IGF2R: variants seen among roughly 807,000 people sequenced by gnomAD.
IGF2R encodes insulin like growth factor 2 receptor, also known as cation-independent mannose-6-phosphate receptor.
In IGF2R, 91 loss-of-function variants were observed where a neutral mutation model predicts 270.6. The observed-to-expected ratio is 0.34, with a 90% CI of 0.28 to 0.40. The LOEUF (loss-of-function observed/expected upper bound fraction) is 0.40. Among genes scored for constraint, IGF2R ranks in the 10% least tolerant of loss-of-function variants. The probability of loss-of-function intolerance (pLI) is 1.00; values close to 1 mark genes in which losing one functional copy is unlikely to be tolerated. For synonymous variants in IGF2R, 1,316 were observed against 1,258.9 expected, an observed-to-expected ratio of 1.05 and a Z score of -0.96; for missense variants, 2,805 against 3,188.3, an observed-to-expected ratio of 0.88 and a Z score of 2.90.
chr6:160,041,963 A>G (rs2115243413), intron 11 of IGF2R, among the ~76,000 whole-genome samples: 2 of 150,774 alleles, frequency 1.3e-5, no homozygotes, highest in Middle Eastern at 7.1e-3. Context: ...TCTTACGGTG[A>G]ACTGGGTGGT....
chr6:159,982,448 C>T (rs773087382), intron 1 of IGF2R, among the ~76,000 whole-genome samples: 3 of 152,208 alleles, frequency 2.0e-5, no homozygotes, highest in Non-Finnish European at 4.4e-5. Context: ...TTCTCTTTGT[C>T]TCCAACATGT....
rs191196799 is a variant in IGF2R at position 160,009,227 on chromosome 6, G to A, written c.414+93G>A. The A allele has an allele frequency of 1.1e-3, 1,211 of 1,109,276 alleles. 9 individuals carry two copies. In the Middle Eastern group the frequency reaches 0.021, roughly 19 times the overall value. The allele number at this position is 1,109,276 out of a possible 1,614,324, so 68.7% of individuals were successfully genotyped here. On this transcript the variant is annotated intron_variant, in intron 3 of 47. Coordinates refer to ENST00000356956, the MANE Select transcript of IGF2R (RefSeq NM_000876.4). Reference sequence around the variant, plus strand: ...TGTAGAGGTATTCCAGGAAGAATCAGTGAGCAAACTTAGAAACACAAATAA... The same window carrying A: ...TGTAGAGGTATTCCAGGAAGAATCAATGAGCAAACTTAGAAACACAAATAA...
At chr6:159,983,430 T>C (rs1177215006) in intron 1 of IGF2R, among the ~76,000 whole-genome samples, 1 of 152,234 alleles carries the variant, frequency 6.6e-6, no homozygotes, top group African/African-American at 2.4e-5. Context: ...GTGGACTGAC[T>C]GCAGTTCTCC....
chr6:160,020,375 C>G (rs750204508), intron 4 of IGF2R, among the ~76,000 whole-genome samples: 23 of 151,982 alleles, frequency 1.5e-4, no homozygotes, highest in Non-Finnish European at 2.6e-4. Context: ...TTATATTGCC[C>G]GAAACAATCC....
chr6:160,086,271 C>T (rs1779095871), intron 41 of IGF2R, among the ~76,000 whole-genome samples: 1 of 152,172 alleles, frequency 6.6e-6, no homozygotes, highest in African/African-American at 2.4e-5. Flanking sequence ...CTGGGACTGG[C>T]ATTTGGCATC....
chr6:160,050,410 C>T lies in IGF2R; in HGVS notation c.2515-63C>T. On this transcript the variant is annotated intron_variant, in intron 18 of 47. Coordinates refer to ENST00000356956, the MANE Select transcript of IGF2R (RefSeq NM_000876.4). The surrounding 1 kb of genome is among the most constrained non-coding windows in gnomAD (Gnocchi z 4.0). ...CTGCAGCTTTATAGAATGTAACCAC[C>T]ACCAATAACGAATCGACTGTATCTT... The T allele has an allele frequency of 6.8e-7, 1 of 1,475,100 alleles. No homozygotes were observed. Among genetic ancestry groups the T allele is most frequent in the Non-Finnish European group, 9.3e-7 (1 of 1,076,472 alleles). The allele number at this position is 1,475,100 out of a possible 1,614,324, so 91.4% of individuals were successfully genotyped here.
At chr6:159,972,095 G>C (rs1783617530) in intron 1 of IGF2R, among the ~76,000 whole-genome samples, 1 of 152,182 alleles carries the variant, frequency 6.6e-6, no homozygotes, top group Non-Finnish European at 1.5e-5. Flanking sequence ...TGTAGTTGAG[G>C]AATAGGAATG....
rs1368604359 is a variant in IGF2R at position 160,085,147 on chromosome 6, C to T, written c.6205+16C>T. 1.2e-6 allele frequency: 2 copies of T among 1,611,066 alleles called. No homozygotes were observed. The highest frequency in any genetic ancestry group is 1.7e-6 in the Non-Finnish European group (2 of 1,178,690). ...GGTGTCATAGGTAAGGCCTGTGGGTCCTGGTCCTTGGTTCAAGGAGCAGCA... is the reference window on the plus strand; with the variant it reads ...GGTGTCATAGGTAAGGCCTGTGGGTTCTGGTCCTTGGTTCAAGGAGCAGCA... On this transcript the variant is annotated intron_variant, in intron 41 of 47. Coordinates refer to ENST00000356956, the MANE Select transcript of IGF2R (RefSeq NM_000876.4).
chr6:160,063,387 G>T, intron 26 of IGF2R, 28 bp from the exon 27 acceptor site: 1 of 1,546,154 alleles, frequency 6.5e-7, no homozygotes, highest in Non-Finnish European at 8.9e-7. Context: ...GGTTGCAGTT[G>T]CCCTTCACTT....
intron 19 of IGF2R, 103 bp from the exon 20 acceptor site, chr6:160,056,321 T>G (rs1583282975): frequency 1.3e-6 from 1 of 765,984 alleles, no homozygotes; most frequent in East Asian, 2.5e-5. Flanking sequence ...ATAATAAACA[T>G]CTAGCAGATT....
At chr6:160,052,118 CTT>C (rs1168212479) in intron 19 of IGF2R, among the ~76,000 whole-genome samples, 1 of 152,080 alleles carries the variant, frequency 6.6e-6, no homozygotes, top group Non-Finnish European at 1.5e-5. Flanking sequence ...GGGAGGATCA[CTT>C]GAGCCCAGGA....
At chr6:160,063,660 G>T (rs193275775) in intron 27 of IGF2R, 30 bp downstream of exon 27, 1 of 1,510,942 alleles carries the variant, frequency 6.6e-7, no homozygotes, top group Middle Eastern at 1.7e-4. Flanking sequence ...TCCTTTTGTT[G>T]CAAAGGAATG....
At chr6:160,081,041 G>T (rs530062455) in intron 39 of IGF2R, among the ~76,000 whole-genome samples, 68 of 151,764 alleles carry the variant, frequency 4.5e-4, no homozygotes, top group Non-Finnish European at 7.8e-4. Flanking sequence ...CAGGAGGATG[G>T]TGTGTACCCG....
chr6:160,043,129 C>T lies in IGF2R; in HGVS notation c.1481-19C>T, dbSNP rs778357235. On this transcript the variant is annotated intron_variant, in intron 11 of 47. Coordinates refer to ENST00000356956, the MANE Select transcript of IGF2R (RefSeq NM_000876.4). Reference sequence around the variant, plus strand: ...ATCAGCATTGCTTTTGGCTAAAATACACTTTTGTTTTGTTACAGAACCAGA... The same window carrying T: ...ATCAGCATTGCTTTTGGCTAAAATATACTTTTGTTTTGTTACAGAACCAGA... The T allele has an allele frequency of 2.2e-5, 35 of 1,612,570 alleles. No homozygotes were observed. Among genetic ancestry groups the T allele is most frequent in the Non-Finnish European group, 3.0e-5 (35 of 1,179,242 alleles).
chr6:160,058,070 T>G lies in IGF2R; in HGVS notation c.2844T>G (p.Asn948Lys). ...ACAGTGGATTTGTGTTTAATCTTAATCCGCTAAACAGTTCGCAAGGATATA... is the reference window on the plus strand; with the variant it reads ...ACAGTGGATTTGTGTTTAATCTTAAGCCGCTAAACAGTTCGCAAGGATATA... Reference protein sequence around the residue: ...DPNSGFVFNLNPLNSSQGYNV... With the variant: ...DPNSGFVFNLKPLNSSQGYNV... The change falls in exon 21 of 48, where the codon AAT (asparagine) becomes AAG (lysine). Residue 948 changes from asparagine to lysine, a missense_variant. By Grantham distance (94) the Asn-to-Lys change is moderately conservative. This residue lies in a region of IGF2R where 1,851 missense variants were observed against 2,207.2 expected (regional missense o/e 0.84). Transcript: ENST00000356956. 6.2e-7 allele frequency: 1 copy of G among 1,613,988 alleles called. No individual in the cohort carries two copies. The highest frequency in any genetic ancestry group is 8.5e-7 in the Non-Finnish European group (1 of 1,179,834).
chr6:160,059,182 T>G, intron 22 of IGF2R, 84 bp downstream of exon 22: 1 of 1,128,778 alleles, frequency 8.9e-7, no homozygotes, highest in South Asian at 1.4e-5. Context: ...GAGTGTAGGA[T>G]GTGCACATCC....
In IGF2R at chr6:160,061,634, C is replaced by T; in HGVS notation, c.3394C>T (p.Pro1132Ser). 6.2e-7 allele frequency: 1 copy of T among 1,614,142 alleles called. No individual in the cohort carries two copies. The highest frequency in any genetic ancestry group is 1.1e-5 in the South Asian group (1 of 91,078). The change falls in exon 24 of 48, where the codon CCT becomes TCT. Residue 1132 changes from proline (P) to serine (S), a missense_variant. By Grantham distance (74) the Pro-to-Ser change is moderately conservative. Coordinates refer to ENST00000356956, the MANE Select transcript of IGF2R (RefSeq NM_000876.4). Reference sequence around the variant, plus strand: ...CGTTTGCAATCCTCTCCCTTACATTCCTGGATGCCAGGGTGAGTTCTCCTT... The same window carrying T: ...CGTTTGCAATCCTCTCCCTTACATTTCTGGATGCCAGGGTGAGTTCTCCTT... ...LSVCNPLPYIPGCQGSAVGSC... is the reference protein window; with the variant it reads ...LSVCNPLPYISGCQGSAVGSC...
At chr6:159,993,567 C>G (rs1473507701) in intron 2 of IGF2R, among the ~76,000 whole-genome samples, 1 of 152,096 alleles carries the variant, frequency 6.6e-6, no homozygotes, top group Admixed American at 6.5e-5. Flanking sequence ...CTATTCTGTT[C>G]CATTGATCTG....
At position 160,034,532 on chromosome 6, in the gene IGF2R, C is replaced by T. The variant is rs369322726; in HGVS notation, c.1315+10C>T. On this transcript the variant is annotated intron_variant, in intron 10 of 47. Transcript: ENST00000356956. ...TGCAATAAAACCGCAGGTAAGTGTGCGCTGGAGTTCAGCCCCTCCTCTTTG... is the reference window on the plus strand; with the variant it reads ...TGCAATAAAACCGCAGGTAAGTGTGTGCTGGAGTTCAGCCCCTCCTCTTTG... 718 of 1,554,460 alleles carry T rather than the reference C, an allele frequency of 4.6e-4. 1 individual carries two copies. The highest frequency in any genetic ancestry group is 6.1e-4 in the Non-Finnish European group (685 of 1,126,184).
Sources: allele counts gnomAD v4.1 joint callset (sites outside exome capture counted in the v4.1 genomes callset), GRCh38; gene constraint gnomAD v4.1.1; regional missense constraint gnomAD v4.1.1; non-coding constraint Gnocchi (gnomAD v3.1); transcripts MANE v1.5; gene names NCBI Gene and HGNC (gene_info 2026-07-23, HGNC 2026-07-21).